UCK1: variants seen among roughly 807,000 people sequenced by gnomAD.
The protein encoded by UCK1 is uridine-cytidine kinase 1, also known as cytidine monophosphokinase 1.
In UCK1, 20 loss-of-function variants were observed where a neutral mutation model predicts 34.0. The ratio of observed to expected loss-of-function variants is 0.59; its 90% confidence interval spans 0.41 to 0.86. UCK1 has a LOEUF of 0.86. UCK1 is among the 40% of genes least tolerant of loss of function. The pLI is 0.00. For synonymous variants in UCK1, 168 were observed against 155.9 expected, an observed-to-expected ratio of 1.08 and a Z score of -0.58; for missense variants, 343 against 383.6, an observed-to-expected ratio of 0.89 and a Z score of 0.88.
At chr9:131,525,813 C>G (rs1950582678) in intron 6 of UCK1, 116 bp downstream of exon 6, 5 of 1,122,198 alleles carry the variant, frequency 4.5e-6, no homozygotes, top group Non-Finnish European at 6.5e-6. Context: ...TGCCGCAGAT[C>G]AACACTGGCA....
intron 5 of UCK1, chr9:131,526,548 G>A (rs1253546210): frequency 2.3e-6 from 3 of 1,287,820 alleles, no homozygotes; most frequent in East Asian, 5.5e-5. Context: ...GAAATGCAGG[G>A]CTGCTGGGGA....
rs368165696 is a variant in UCK1 at position 131,525,155 on chromosome 9, C to G, written c.719G>C (p.Arg240Pro). The G allele has an allele frequency of 2.5e-6, 4 of 1,614,162 alleles. No individual in the cohort carries two copies. In the South Asian group the frequency reaches 4.4e-5, roughly 18 times the overall value. The change falls in exon 7 of 7, where the codon CGA becomes CCA. Residue 240 changes from arginine to proline, a missense_variant. Transcript: ENST00000372215. ...GTAGCTCCGCCCATTGGACCCTCCT[C>G]GGTGCCATTTGCAGATGTCACCATT... ...ILNGDICKWH[R>P]GGSNGRSYKR...
intron 5 of UCK1, 177 bp downstream of exon 5, chr9:131,528,767 A>G: frequency 1.4e-6 from 1 of 722,520 alleles, no homozygotes; most frequent in Non-Finnish European, 2.2e-6. Context: ...GAGCAGGCAC[A>G]GAGAATGTTT....
intron 5 of UCK1, among the ~76,000 whole-genome samples, chr9:131,526,847 T>C (rs1950625138): frequency 6.6e-6 from 1 of 152,218 alleles, no homozygotes; most frequent in Non-Finnish European, 1.5e-5. Flanking sequence ...AGGGCTGCTT[T>C]CTATTCTAGT....
intron 5 of UCK1, among the ~76,000 whole-genome samples, chr9:131,528,613 G>C (rs1950702221): frequency 6.6e-6 from 1 of 152,226 alleles, no homozygotes; most frequent in South Asian, 2.1e-4. Context: ...AAGTGCCCCG[G>C]AAAAAGGAAG....
intron 5 of UCK1, chr9:131,526,238 C>G: frequency 1.5e-6 from 1 of 662,122 alleles, no homozygotes; most frequent in South Asian, 1.8e-5. Flanking sequence ...CAGAAGACAG[C>G]CCCCTTCCAG....
intron 5 of UCK1, among the ~76,000 whole-genome samples, chr9:131,527,264 G>C (rs1161858706): frequency 6.6e-6 from 1 of 151,770 alleles, no homozygotes; most frequent in Non-Finnish European, 1.5e-5. Context: ...GAAGGTGGAG[G>C]CTGCAGTGAA....
At position 131,529,116 on chromosome 9, in the gene UCK1, C is replaced by A. The variant is rs374942954; in HGVS notation, c.508+12G>T. 1 of 1,613,370 alleles carries A rather than the reference C, an allele frequency of 6.2e-7. No homozygotes were observed. The highest frequency in any genetic ancestry group is 1.3e-5 in the African/African-American group (1 of 74,910). ...TCGGCCAGGCAGGCACGGAGGCCCG[C>A]GGCCGCCTTACCTCTTCGAGACAGC... On this transcript the variant is annotated intron_variant, in intron 4 of 6. Transcript: ENST00000372215.
At chr9:131,528,763 G>T in intron 5 of UCK1, 181 bp downstream of exon 5, 2 of 701,010 alleles carry the variant, frequency 2.9e-6, no homozygotes, top group South Asian at 1.9e-5. Context: ...GGAGGAGCAG[G>T]CACAGAGAAT....
Position 131,524,230 on chromosome 9 carries a change from T to G in UCK1, c.*810A>C, listed in dbSNP as rs555499505. ...TCTAGACAGACAGCACCTTGGGGGCTCCCCTGAGGGTCAGTGAGGGCCTGA... is the reference window on the plus strand; with the variant it reads ...TCTAGACAGACAGCACCTTGGGGGCGCCCCTGAGGGTCAGTGAGGGCCTGA... On this transcript the variant is annotated 3_prime_UTR_variant, in exon 7 of 7. Transcript: ENST00000372215. 130 of 152,366 alleles carry G rather than the reference T, an allele frequency of 8.5e-4. No homozygotes were observed. Among genetic ancestry groups the G allele is most frequent in the Middle Eastern group, 3.4e-3 (1 of 296 alleles). The allele number at this position is 152,366 out of a possible 1,614,324, so 9.4% of individuals were successfully genotyped here.
chr9:131,524,994 AAC>A lies in UCK1; in HGVS notation c.*44_*45del, dbSNP rs1447283996. 2 of 1,587,754 alleles carry A rather than the reference AAC, an allele frequency of 1.3e-6. No homozygotes were observed. Among genetic ancestry groups the A allele is most frequent in the African/African-American group, 2.7e-5 (2 of 74,252 alleles). On this transcript the variant is annotated 3_prime_UTR_variant, in exon 7 of 7. Coordinates refer to ENST00000372215, the MANE Select transcript of UCK1 (RefSeq NM_031432.5). ...TGGGCGTCCCCAGGCTCAGTCCCTG[AAC>A]ACACATGCCGGGCGGGAGACCTGCC...
Position 131,531,108 on chromosome 9 carries a change from G to A in UCK1, c.67C>T (p.Pro23Ser). 2 of 1,450,812 alleles carry A rather than the reference G, an allele frequency of 1.4e-6. No individual in the cohort carries two copies. Among genetic ancestry groups the A allele is most frequent in the Non-Finnish European group, 1.8e-6 (2 of 1,105,148 alleles). 89.9% of individuals were successfully genotyped at this position (1,450,812 alleles called of 1,614,324 possible). The change falls in exon 1 of 7, where the codon CCC becomes TCC. Residue 23 changes from proline (P) to serine (S), a missense_variant. Coordinates refer to ENST00000372215, the MANE Select transcript of UCK1 (RefSeq NM_031432.5). ...CCGCCGCTCACCCCTATCAGGAAGGGCCGCTGGTGCGGACGGTCGGCCTCC... is the reference window on the plus strand; with the variant it reads ...CCGCCGCTCACCCCTATCAGGAAGGACCGCTGGTGCGGACGGTCGGCCTCC... ...APEADRPHQR[P>S]FLIGVSGGTA... is the part of the protein sequence containing the mutation.
At chr9:131,525,280 C>T in intron 6 of UCK1, 59 bp from the exon 7 acceptor site, 4 of 1,606,606 alleles carry the variant, frequency 2.5e-6, no homozygotes, top group Non-Finnish European at 3.4e-6. Context: ...TGGAGACCGC[C>T]CCTCCCCGCA....
chr9:131,531,257 G>A lies in UCK1; in HGVS notation c.-83C>T, dbSNP rs985735437. 103 of 1,224,454 alleles carry A rather than the reference G, an allele frequency of 8.4e-5. No homozygotes were observed. The African/African-American group carries it at 1.6e-3, about 18-fold the overall frequency. 75.8% of individuals were successfully genotyped at this position (1,224,454 alleles called of 1,614,324 possible). The stretch of plus-strand genomic sequence containing the variant: ...GCGCCCGCCCAGCGCCGAGGTCGGA[G>A]GCAACCGGAGCGATCACTTCCGGGA... On this transcript the variant is annotated 5_prime_UTR_variant, in exon 1 of 7. Coordinates refer to ENST00000372215, the MANE Select transcript of UCK1 (RefSeq NM_031432.5).
At chr9:131,526,585 G>C in intron 5 of UCK1, 1 of 1,215,110 alleles carries the variant, frequency 8.2e-7, no homozygotes, top group Non-Finnish European at 1.1e-6. Flanking sequence ...GGTGGGGGTT[G>C]GGGGGTGGCT....
chr9:131,531,127 G>A lies in UCK1; in HGVS notation c.48C>T (p.Ala16=). 1 of 1,451,058 alleles carries A rather than the reference G, an allele frequency of 6.9e-7. No individual in the cohort carries two copies. The highest frequency in any genetic ancestry group is 9.0e-7 in the Non-Finnish European group (1 of 1,105,542). 89.9% of individuals were successfully genotyped at this position (1,451,058 alleles called of 1,614,324 possible). Residue 16 remains alanine, a synonymous_variant, in exon 1 of 7, where the codon GCC becomes GCT. Transcript: ENST00000372215. The part of the protein sequence containing the change: ...GEDCESPAPE[A]DRPHQRPFLI... ...GGAAGGGCCGCTGGTGCGGACGGTC[G>A]GCCTCCGGCGCGGGGCTCTCGCAGT...
intron 6 of UCK1, 25 bp from the exon 7 acceptor site, chr9:131,525,246 C>T (rs371627157): frequency 2.1e-5 from 34 of 1,612,320 alleles, no homozygotes; most frequent in African/African-American, 4.0e-5. Flanking sequence ...AGACAAGCAG[C>T]GGGTTAGCCG....
intron 1 of UCK1, 86 bp downstream of exon 1, chr9:131,530,981 T>C: frequency 1.7e-6 from 2 of 1,188,180 alleles, no homozygotes; most frequent in Non-Finnish European, 2.1e-6. Flanking sequence ...AGGGGGCCCC[T>C]CGGCCGGGGC....
In UCK1 at chr9:131,525,089, A is replaced by G. The variant is rs12682945; in HGVS notation, c.785T>C (p.Leu262Pro). 21 of 1,613,654 alleles carry G rather than the reference A, an allele frequency of 1.3e-5. No individual in the cohort carries two copies. In the East Asian group the frequency reaches 4.7e-4, roughly 36 times the overall value. Reference protein sequence around the residue: ...FSEPGDHPGMLTSGKRSHLES... With the variant: ...FSEPGDHPGMPTSGKRSHLES... The stretch of plus-strand genomic sequence containing the variant: ...CAAATGTGACCGTTTGCCAGAGGTC[A>G]GCATCCCAGGGTGGTCCCCTGGCTC... Residue 262 changes from leucine to proline, a missense_variant, in exon 7 of 7, where the codon CTG becomes CCG. By Grantham distance (98) the Leu-to-Pro change is moderately conservative. Transcript: ENST00000372215.
Sources: allele counts gnomAD v4.1 joint callset (sites outside exome capture counted in the v4.1 genomes callset), GRCh38; gene constraint gnomAD v4.1.1; transcripts MANE v1.5; gene names NCBI Gene and HGNC (gene_info 2026-07-23, HGNC 2026-07-21).